ELOVL6: variants seen among roughly 807,000 people sequenced by gnomAD.
The protein encoded by ELOVL6 is very long chain fatty acid elongase 6.
ELOVL6 carries 8 observed loss-of-function variants against 31.7 expected under a neutral mutation model. That is an observed-to-expected ratio of 0.25 (90% CI 0.15 to 0.45). The LOEUF is 0.45. Ranked by LOEUF, ELOVL6 falls within the 20% of genes least tolerant of loss-of-function variation. The probability of loss-of-function intolerance (pLI) is 1.00; values close to 1 mark genes in which losing one functional copy is unlikely to be tolerated. For missense variants in ELOVL6, 126 were observed against 326.4 expected, an observed-to-expected ratio of 0.39 and a Z score of 4.73; for synonymous variants, 101 against 117.7, an observed-to-expected ratio of 0.86 and a Z score of 0.92.
chr4:110,193,353 T>G (rs1318957282), intron 1 of ELOVL6, among the ~76,000 whole-genome samples: 1 of 152,184 alleles, frequency 6.6e-6, no homozygotes, highest in East Asian at 1.9e-4. Flanking sequence ...GCCTGTTATC[T>G]CAGCACTTTC....
rs1757169974 is a variant in ELOVL6 at position 110,116,392 on chromosome 4, G to C, written c.90-10764C>G. Among the ~76,000 whole-genome samples, 4 of 152,122 alleles carry C rather than the reference G, an allele frequency of 2.6e-5. 1 individual carries two copies. Among genetic ancestry groups the C allele is most frequent in the Admixed American group, 6.6e-5 (1 of 15,266 alleles). On this transcript the variant is annotated intron_variant, in intron 1 of 3. Transcript: ENST00000302274. ...AGCCAGGTTCTTCCCCTCTACTCAA[G>C]AAAGCATTTTAGAATCCAAAGGGCG...
At chr4:110,191,180 A>G (rs62327363) in intron 1 of ELOVL6, among the ~76,000 whole-genome samples, 7,106 of 152,284 alleles carry the variant, frequency 0.047, 237 homozygotes, top group East Asian at 0.11. Flanking sequence ...GAGGGTAAAT[A>G]TAATTAGAGA....
chr4:110,140,796 G>A (rs1317734744), intron 1 of ELOVL6, among the ~76,000 whole-genome samples: 1 of 150,804 alleles, frequency 6.6e-6, no homozygotes, highest in African/African-American at 2.4e-5. Flanking sequence ...TAATATTAAG[G>A]TCCTCAAATA....
At chr4:110,190,608 G>T (rs748452249) in intron 1 of ELOVL6, among the ~76,000 whole-genome samples, 1 of 152,038 alleles carries the variant, frequency 6.6e-6, no homozygotes, top group Non-Finnish European at 1.5e-5. Context: ...GGGTTCAAGC[G>T]ATTCTCCTGC....
chr4:110,174,552 T>C (rs1759045367), intron 1 of ELOVL6, among the ~76,000 whole-genome samples: 1 of 152,186 alleles, frequency 6.6e-6, no homozygotes, highest in Non-Finnish European at 1.5e-5. Context: ...ATGGTATCTC[T>C]TTTTGCCTGT....
chr4:110,115,316 G>C (rs905370395), intron 1 of ELOVL6, among the ~76,000 whole-genome samples: 2 of 152,116 alleles, frequency 1.3e-5, no homozygotes, highest in Non-Finnish European at 2.9e-5. Context: ...AATTAAGCTT[G>C]AGAAAAAACT....
At chr4:110,097,601 T>C (rs1363157907) in intron 2 of ELOVL6, among the ~76,000 whole-genome samples, 1 of 152,166 alleles carries the variant, frequency 6.6e-6, no homozygotes, top group Non-Finnish European at 1.5e-5. Flanking sequence ...TTTGGTGTCA[T>C]TTTGTGACCT....
intron 2 of ELOVL6, among the ~76,000 whole-genome samples, chr4:110,060,784 C>A (rs12505992): frequency 0.14 from 21,135 of 152,148 alleles, 2,167 homozygotes; most frequent in East Asian, 0.42. Flanking sequence ...AGGGCAGCAT[C>A]TTACTCTAGA....
chr4:110,084,907 T>C (rs1458523611), intron 2 of ELOVL6, among the ~76,000 whole-genome samples: 1 of 151,880 alleles, frequency 6.6e-6, no homozygotes, highest in African/African-American at 2.4e-5. Flanking sequence ...CTGTGATATA[T>C]TAATAGCAAG....
intron 1 of ELOVL6, among the ~76,000 whole-genome samples, chr4:110,186,197 A>G (rs1759433831): frequency 6.6e-6 from 1 of 152,054 alleles, no homozygotes; most frequent in Admixed American, 6.6e-5. Context: ...CCCAAAACAA[A>G]ACAAGACAAA....
chr4:110,160,390 G>A (rs561901443), intron 1 of ELOVL6, among the ~76,000 whole-genome samples: 1 of 152,178 alleles, frequency 6.6e-6, no homozygotes, highest in African/African-American at 2.4e-5. Context: ...GACTTCCTGT[G>A]TTGCTTTACT....
chr4:110,160,474 T>C (rs913878073), intron 1 of ELOVL6, among the ~76,000 whole-genome samples: 11 of 152,220 alleles, frequency 7.2e-5, no homozygotes, highest in Admixed American at 1.3e-4. Flanking sequence ...TGGTCTATGG[T>C]CTATCTCTTG....
chr4:110,056,124 G>GGT (rs1553953508), intron 3 of ELOVL6, among the ~76,000 whole-genome samples: 4 of 134,060 alleles, frequency 3.0e-5, no homozygotes, highest in African/African-American at 8.5e-5. Context: ...GTGGGAGCTG[G>GGT]GGGGGGGGAT....
chr4:110,112,250 C>G (rs12512099), intron 1 of ELOVL6, among the ~76,000 whole-genome samples: 3 of 152,154 alleles, frequency 2.0e-5, no homozygotes, highest in Non-Finnish European at 4.4e-5. Flanking sequence ...CCTGATCTCT[C>G]GATCAATGCA....
Position 110,078,057 on chromosome 4 carries a change from T to C in ELOVL6, c.222-18303A>G, listed in dbSNP as rs1755704716. Reference sequence around the variant, plus strand: ...TTAGAGAAAAAAGAATAAAAAGAAATGAACAAAGCCTCCAAGAAATACGGG... The same window carrying C: ...TTAGAGAAAAAAGAATAAAAAGAAACGAACAAAGCCTCCAAGAAATACGGG... On this transcript the variant is annotated intron_variant, in intron 2 of 3. Coordinates refer to ENST00000302274, the MANE Select transcript of ELOVL6 (RefSeq NM_024090.3). 2.0e-5 allele frequency among the ~76,000 whole-genome samples: 3 copies of C among 152,108 alleles called. No homozygotes were observed. In the South Asian group the frequency reaches 6.2e-4, roughly 32 times the overall value.
In ELOVL6 at chr4:110,084,583, TA is replaced by T. The variant is rs1560815951; in HGVS notation, c.221+20913del. Among the ~76,000 whole-genome samples the T allele has an allele frequency of 3.7e-4, 17 of 46,364 alleles. No homozygotes were observed. The East Asian group carries it at 0.013, about 35-fold the overall frequency. The allele number at this position is 46,364 out of a possible 152,430, so 30.4% of individuals were successfully genotyped here. ...ACACAGATATATATATATATATATA[TA>T]TATATTTTTTTTTTTTTTTTTTTTT... is the stretch of plus-strand genomic sequence containing the variant. On this transcript the variant is annotated intron_variant, in intron 2 of 3. Coordinates refer to ENST00000302274, the MANE Select transcript of ELOVL6 (RefSeq NM_024090.3).
At chr4:110,162,049 T>C (rs1225216991) in intron 1 of ELOVL6, among the ~76,000 whole-genome samples, 1 of 152,210 alleles carries the variant, frequency 6.6e-6, no homozygotes, top group Non-Finnish European at 1.5e-5. Flanking sequence ...GGGAAAGGGA[T>C]GTAGTCCTTT....
chr4:110,071,628 C>T (rs1185922132), intron 2 of ELOVL6, among the ~76,000 whole-genome samples: 12 of 152,124 alleles, frequency 7.9e-5, no homozygotes, highest in Admixed American at 2.0e-4. Context: ...CCCCCTCTCC[C>T]GCCCAGCCTT....
At chr4:110,198,074 A>AACCCCCCCCCCCCCCCC in intron 1 of ELOVL6, 173 bp downstream of exon 1, 1 of 431,138 alleles carries the variant, frequency 2.3e-6, no homozygotes, top group African/African-American at 2.6e-5. Flanking sequence ...CGCTTCATGT[A>AACCCCCCCCCCCCCCCC]CCCCCCCCCC....
Sources: allele counts gnomAD v4.1 joint callset (sites outside exome capture counted in the v4.1 genomes callset), GRCh38; gene constraint gnomAD v4.1.1; transcripts MANE v1.5; gene names NCBI Gene and HGNC (gene_info 2026-07-23, HGNC 2026-07-21).